Variants in BRDT observed in about 807,000 individuals in gnomAD.
BRDT encodes bromodomain testis associated.
In BRDT, 77 loss-of-function variants were observed where a neutral mutation model predicts 113.9. That is an observed-to-expected ratio of 0.68 (90% CI 0.56 to 0.82). The LOEUF is 0.82. Ranked by LOEUF, BRDT falls within the 40% of genes least tolerant of loss-of-function variation. BRDT has a pLI of 0.00. For missense variants in BRDT, 1,027 were observed against 1,105.4 expected, an observed-to-expected ratio of 0.93 and a Z score of 1.01; for synonymous variants, 358 against 366.5, an observed-to-expected ratio of 0.98 and a Z score of 0.26.
chr1:91,976,468 CT>C, intron 5 of BRDT, 30 bp downstream of exon 5: 2 of 1,483,178 alleles, frequency 1.3e-6, no homozygotes, highest in Non-Finnish European at 1.8e-6. Flanking sequence ...TAAATCATTG[CT>C]TTTTAACACT....
chr1:92,006,472 TTTG>T (rs1230311339), intron 18 of BRDT, among the ~76,000 whole-genome samples: 1 of 152,150 alleles, frequency 6.6e-6, no homozygotes, highest in Non-Finnish European at 1.5e-5. Flanking sequence ...TGTTTGTTTG[TTTG>T]TTTTTATCGA....
chr1:91,986,498 G>C (rs569597724), intron 12 of BRDT, among the ~76,000 whole-genome samples: 18 of 152,120 alleles, frequency 1.2e-4, no homozygotes, highest in Non-Finnish European at 2.6e-4. Flanking sequence ...AAACTAAATG[G>C]TCATGACATC....
At position 91,962,325 on chromosome 1, in the gene BRDT, AAC is replaced by A. The variant is rs1261725130; in HGVS notation, c.-37-389_-37-388del. Among the ~76,000 whole-genome samples the A allele has an allele frequency of 1.2e-4, 18 of 151,484 alleles. No homozygotes were observed. The East Asian group carries it at 3.5e-3, about 29-fold the overall frequency. ...CTGTCTTAATCATGATGTGCTTTAA[AAC>A]ACAGTATGTGTTAACTCTTTTTTGA... On this transcript the variant is annotated intron_variant, in intron 1 of 18. Transcript: ENST00000399546.
intron 3 of BRDT, among the ~76,000 whole-genome samples, chr1:91,967,103 A>C (rs1022595440): frequency 1.2e-4 from 19 of 152,208 alleles, no homozygotes; most frequent in Non-Finnish European, 2.4e-4. Flanking sequence ...AGAAAAAAAT[A>C]TTAAAAAATT....
intron 16 of BRDT, 89 bp downstream of exon 16, chr1:92,002,238 T>A: frequency 1.1e-6 from 1 of 878,192 alleles, no homozygotes; most frequent in South Asian, 1.9e-5. Flanking sequence ...AAGCCCTGAC[T>A]TAAATGAAAT....
chr1:91,998,678 G>T (rs6604072), intron 15 of BRDT, among the ~76,000 whole-genome samples: 1 of 152,202 alleles, frequency 6.6e-6, no homozygotes, highest in Non-Finnish European at 1.5e-5. Flanking sequence ...CTAAAGTGAA[G>T]TTTAAGGAGG....
chr1:91,991,664 C>A (rs72718421), intron 13 of BRDT, among the ~76,000 whole-genome samples: 1,752 of 152,268 alleles, frequency 0.012, 18 homozygotes, highest in Middle Eastern at 0.041. Flanking sequence ...CATTTTGGCA[C>A]ATCTATGTTT....
Position 91,964,624 on chromosome 1 carries a change from T to C in BRDT, c.193-3T>C. 1.5e-6 allele frequency: 2 copies of C among 1,371,836 alleles called. No individual in the cohort carries two copies. Among genetic ancestry groups the C allele is most frequent in the South Asian group, 1.5e-5 (1 of 65,126 alleles). 85.0% of individuals were successfully genotyped at this position (1,371,836 alleles called of 1,614,324 possible). A position where few individuals can be genotyped will look rare whatever the true frequency, so the allele number is the denominator to read the frequency against. On this transcript the variant is annotated splice_polypyrimidine_tract_variant and splice_region_variant and intron_variant, in intron 2 of 18. Transcript: ENST00000399546. Reference sequence around the variant, plus strand: ...AACATTTAGAATTTGTTCAAAACCATAGGATTATTATACCATTATAAAAAA... The same window carrying C: ...AACATTTAGAATTTGTTCAAAACCACAGGATTATTATACCATTATAAAAAA...
intron 18 of BRDT, among the ~76,000 whole-genome samples, chr1:92,008,098 A>G (rs1198070609): frequency 6.6e-6 from 1 of 152,086 alleles, no homozygotes; most frequent in Non-Finnish European, 1.5e-5. Flanking sequence ...TTGTATTTTT[A>G]GTAGAGCCAA....
intron 12 of BRDT, among the ~76,000 whole-genome samples, chr1:91,987,597 C>A (rs1045070590): frequency 6.6e-6 from 1 of 152,188 alleles, no homozygotes; most frequent in Non-Finnish European, 1.5e-5. Flanking sequence ...CAGCCTGCCT[C>A]AGCCTCTCAA....
In BRDT at chr1:91,981,392, G is replaced by A; in HGVS notation, c.1864+11G>A. 1.9e-6 allele frequency: 3 copies of A among 1,569,014 alleles called. No homozygotes were observed. The highest frequency in any genetic ancestry group is 1.8e-6 in the Non-Finnish European group (2 of 1,141,666). ...AACGTCAAACAAAATGTAGGTGGCA[G>A]TTTTTGTTTGTTTGTATGTATGTAT... On this transcript the variant is annotated intron_variant, in intron 11 of 18. Transcript: ENST00000399546.
At chr1:92,013,067 A>T (rs1349593054) in intron 18 of BRDT, among the ~76,000 whole-genome samples, 1 of 150,092 alleles carries the variant, frequency 6.7e-6, no homozygotes, top group Non-Finnish European at 1.5e-5. Flanking sequence ...AAAATGCAAA[A>T]ATTACCTGGG....
At chr1:92,006,171 C>G (rs924303024) in intron 18 of BRDT, among the ~76,000 whole-genome samples, 5 of 151,956 alleles carry the variant, frequency 3.3e-5, no homozygotes, top group African/African-American at 1.2e-4. Flanking sequence ...GGTAAATATT[C>G]TGTGTGCACA....
At chr1:91,965,598 C>G (rs1354725120) in intron 3 of BRDT, among the ~76,000 whole-genome samples, 3 of 152,096 alleles carry the variant, frequency 2.0e-5, no homozygotes, top group Non-Finnish European at 4.4e-5. Flanking sequence ...ACCTGTAATC[C>G]CAGCACTTTG....
intron 15 of BRDT, among the ~76,000 whole-genome samples, chr1:91,995,078 A>G (rs1179670875): frequency 3.3e-5 from 5 of 152,076 alleles, no homozygotes; most frequent in Admixed American, 6.5e-5. Flanking sequence ...CAGAAGGGAA[A>G]GTTTTGCCTG....
At chr1:91,961,912 C>T (rs1233890730) in intron 1 of BRDT, among the ~76,000 whole-genome samples, 1 of 151,938 alleles carries the variant, frequency 6.6e-6, no homozygotes, top group African/African-American at 2.4e-5. Context: ...AATCCCAGCA[C>T]TTTGGGAGGC....
intron 18 of BRDT, 28 bp downstream of exon 18, chr1:92,005,327 A>G: frequency 1.3e-6 from 2 of 1,485,096 alleles, no homozygotes; most frequent in Non-Finnish European, 1.8e-6. Flanking sequence ...TACTAAATCT[A>G]ATTTAACAAG....
chr1:91,968,941 T>TATTC (rs374264261), intron 4 of BRDT, among the ~76,000 whole-genome samples: 3 of 143,398 alleles, frequency 2.1e-5, no homozygotes, highest in Admixed American at 7.0e-5. Flanking sequence ...TTTATTTATT[T>TATTC]ATTTATTTAT....
intron 13 of BRDT, 48 bp from the exon 14 acceptor site, chr1:91,992,216 G>A (rs1053613259): frequency 1.8e-5 from 18 of 1,022,482 alleles, no homozygotes; most frequent in Non-Finnish European, 2.2e-5. Context: ...TAATCACATG[G>A]TTAAGAGATA....
Sources: gnomAD v4.1 joint callset for allele counts (sites outside exome capture counted in the v4.1 genomes callset) on GRCh38, gnomAD v4.1.1 for gene constraint, MANE v1.5 for transcripts, NCBI Gene and HGNC (gene_info 2026-07-23, HGNC 2026-07-21) for gene names.